The following PDE5A variants were observed in gnomAD, a reference collection of about 807,000 sequenced individuals.
The protein encoded by PDE5A is phosphodiesterase 5A, also known as cGMP-specific 3',5'-cyclic phosphodiesterase.
In PDE5A, 67 loss-of-function variants were observed where a neutral mutation model predicts 110.2. The observed-to-expected ratio is 0.61, with a 90% CI of 0.50 to 0.75. PDE5A has a LOEUF of 0.75. PDE5A is among the 30% of genes least tolerant of loss of function. The probability of loss-of-function intolerance (pLI) is 0.00; values close to 1 mark genes in which losing one functional copy is unlikely to be tolerated. For missense variants in PDE5A, 862 were observed against 1,045.1 expected, an observed-to-expected ratio of 0.82 and a Z score of 2.42; for synonymous variants, 328 against 351.2, an observed-to-expected ratio of 0.93 and a Z score of 0.74.
intron 4 of PDE5A, among the ~76,000 whole-genome samples, chr4:119,566,840 C>G (rs113737117): frequency 5.3e-5 from 8 of 152,274 alleles, no homozygotes; most frequent in African/African-American, 1.9e-4. Flanking sequence ...GCAGGCTTGG[C>G]AGCACAGCAA....
At chr4:119,515,113 G>A (rs722668) in intron 14 of PDE5A, among the ~76,000 whole-genome samples, 146 of 152,264 alleles carry the variant, frequency 9.6e-4, no homozygotes, top group African/African-American at 3.3e-3. Flanking sequence ...TCTATTATTA[G>A]TATTTACTAC....
At chr4:119,589,183 G>A (rs1225851182) in intron 3 of PDE5A, among the ~76,000 whole-genome samples, 1 of 151,796 alleles carries the variant, frequency 6.6e-6, no homozygotes, top group Non-Finnish European at 1.5e-5. Context: ...AAATTTCAGA[G>A]AAATAAGAAA....
intron 6 of PDE5A, 149 bp downstream of exon 6, chr4:119,562,684 G>A: frequency 1.9e-6 from 1 of 531,386 alleles, no homozygotes; most frequent in Non-Finnish European, 3.2e-6. Context: ...AACCAGAACA[G>A]CTCATACCCT....
At chr4:119,624,048 G>C (rs1013380221) in intron 1 of PDE5A, among the ~76,000 whole-genome samples, 6 of 152,056 alleles carry the variant, frequency 3.9e-5, no homozygotes, top group African/African-American at 1.4e-4. Flanking sequence ...CCAGAAGAGT[G>C]CTTCAAGGAC....
chr4:119,571,220 CATGT>C (rs1265271802), intron 3 of PDE5A, among the ~76,000 whole-genome samples: 1 of 152,154 alleles, frequency 6.6e-6, no homozygotes, highest in Non-Finnish European at 1.5e-5. Context: ...GGTAATATTC[CATGT>C]GGTAGGCAAA....
chr4:119,601,843 G>C (rs1462811126), intron 2 of PDE5A, among the ~76,000 whole-genome samples: 1 of 152,110 alleles, frequency 6.6e-6, no homozygotes, highest in Non-Finnish European at 1.5e-5. Context: ...AACATATATG[G>C]TATTCCAGCT....
Position 119,494,803 on chromosome 4 carries a change from T to C in PDE5A, c.*3798A>G, listed in dbSNP as rs201065500. ...TAAACTGTAATATAAATTTATATTTTCAACTATTTACATTGCTTTCAACAA... is the reference window on the plus strand; with the variant it reads ...TAAACTGTAATATAAATTTATATTTCCAACTATTTACATTGCTTTCAACAA... On this transcript the variant is annotated 3_prime_UTR_variant, in exon 21 of 21. Transcript: ENST00000354960. The C allele has an allele frequency of 4.6e-5, 7 of 152,708 alleles. No homozygotes were observed. Among genetic ancestry groups the C allele is most frequent in the African/African-American group, 1.7e-4 (7 of 41,568 alleles). 9.5% of individuals were successfully genotyped at this position (152,708 alleles called of 1,614,324 possible).
chr4:119,595,129 G>A (rs1469315879), intron 3 of PDE5A, among the ~76,000 whole-genome samples: 3 of 151,832 alleles, frequency 2.0e-5, no homozygotes, highest in Non-Finnish European at 4.4e-5. Flanking sequence ...CGAATAAAAA[G>A]AAAAAAATAT....
intron 1 of PDE5A, among the ~76,000 whole-genome samples, chr4:119,620,827 T>A (rs955913743): frequency 3.3e-5 from 5 of 152,322 alleles, no homozygotes; most frequent in Non-Finnish European, 7.4e-5. Flanking sequence ...AATATGCATA[T>A]ATGCCTTCAT....
chr4:119,606,658 G>C, intron 2 of PDE5A, 51 bp downstream of exon 2: 1 of 1,354,710 alleles, frequency 7.4e-7, no homozygotes, highest in Non-Finnish European at 1.0e-6. Flanking sequence ...ACCCGCCCCA[G>C]CCATAGTCCC....
intron 19 of PDE5A, chr4:119,502,325 C>G (rs3733520): frequency 0.27 from 77,969 of 289,442 alleles, 10,763 homozygotes; most frequent in East Asian, 0.32. Flanking sequence ...AAAGTGGTTT[C>G]TAATACTTAA....
intron 3 of PDE5A, among the ~76,000 whole-genome samples, chr4:119,574,635 T>C (rs1262451005): frequency 8.8e-6 from 1 of 113,376 alleles, no homozygotes; most frequent in East Asian, 2.7e-4. Context: ...TTCAAAATTA[T>C]AACTCTAAGA....
At chr4:119,505,708 T>C (rs1725526025) in intron 17 of PDE5A, 147 bp downstream of exon 17, 1 of 558,114 alleles carries the variant, frequency 1.8e-6, no homozygotes, top group East Asian at 3.5e-5. Context: ...AATTTACTCT[T>C]TGTACAACCC....
rs1725534659 is a variant in PDE5A, at chr4:119,505,892, A to G, written c.2230T>C (p.Phe744Leu). 1 of 1,572,172 alleles carries G rather than the reference A, an allele frequency of 6.4e-7. No homozygotes were observed. Among genetic ancestry groups the G allele is most frequent in the South Asian group, 1.2e-5 (1 of 83,926 alleles). ...TTTTGATGAGGATCTTCCAAATTGA[A>G]TTGATTTTTTCTTATAAGTTCAAAA... is the stretch of plus-strand genomic sequence containing the variant. ...EFFELIRKNQ[F>L]NLEDPHQKEL... Residue 744 changes from phenylalanine to leucine, a missense_variant, in exon 17 of 21, where the codon TTC becomes CTC. Transcript: ENST00000354960.
At chr4:119,550,162 A>T (rs950198368) in intron 9 of PDE5A, 1 of 152,132 alleles carries the variant, frequency 6.6e-6, no homozygotes, top group Admixed American at 6.5e-5. Context: ...TTTCCCCCTT[A>T]TATTTGGGAT....
At chr4:119,509,728 A>G (rs752295353) in intron 15 of PDE5A, among the ~76,000 whole-genome samples, 2 of 152,068 alleles carry the variant, frequency 1.3e-5, no homozygotes, top group African/African-American at 2.4e-5. Context: ...GTACTAGACC[A>G]TATACAGATT....
At chr4:119,498,848 A>G in intron 20 of PDE5A, 110 bp from the exon 21 acceptor site, 2 of 1,148,152 alleles carry the variant, frequency 1.7e-6, no homozygotes, top group East Asian at 2.4e-5. Context: ...AAGCAGACTC[A>G]CTGTTGAAAT....
intron 7 of PDE5A, among the ~76,000 whole-genome samples, chr4:119,556,056 G>C (rs1402692410): frequency 3.3e-5 from 5 of 152,170 alleles, no homozygotes; most frequent in Admixed American, 3.3e-4. Flanking sequence ...CAATCTAGTA[G>C]AAGACTGAAA....
intron 19 of PDE5A, among the ~76,000 whole-genome samples, chr4:119,502,154 G>A (rs1437085105): frequency 6.6e-6 from 1 of 151,846 alleles, no homozygotes; most frequent in Non-Finnish European, 1.5e-5. Context: ...TTTTGATGGC[G>A]AGAACCAAGG....
Sources: gnomAD v4.1 joint callset for allele counts (sites outside exome capture counted in the v4.1 genomes callset) on GRCh38, gnomAD v4.1.1 for gene constraint, MANE v1.5 for transcripts, NCBI Gene and HGNC (gene_info 2026-07-23, HGNC 2026-07-21) for gene names.